Variants in KMT2C observed in about 807,000 individuals in gnomAD.
KMT2C encodes the protein lysine methyltransferase 2C, also known as histone-lysine N-methyltransferase 2C.
Under a neutral mutation model 507.9 loss-of-function variants are expected in KMT2C, and 88 were observed. The observed-to-expected ratio is 0.17, with a 90% confidence interval of 0.15 to 0.21. The LOEUF is 0.21. KMT2C is among the 10% of genes least tolerant of loss of function. The pLI is 1.00. For synonymous variants in KMT2C, 2,049 were observed against 2,080.8 expected (o/e 0.98, Z 0.42); for missense variants, 4,954 against 5,957.8 (o/e 0.83, Z 5.55).
At chr7:152,151,996 A>C (rs1190788098) in intron 49 of KMT2C, among the ~76,000 whole-genome samples, 1 of 152,254 alleles carries the variant, frequency 6.6e-6, no homozygotes, top group East Asian at 1.9e-4. Context: ...TTGCAGAGTC[A>C]GAAATGAGGA....
intron 46 of KMT2C, chr7:152,154,789 C>T (rs1439044899): frequency 1.1e-5 from 2 of 179,612 alleles, no homozygotes; most frequent in Non-Finnish European, 2.3e-5. Flanking sequence ...AGCACTCCTG[C>T]AGCTTGAAAA....
At chr7:152,184,149 G>A in intron 34 of KMT2C, among the ~76,000 whole-genome samples, 1 of 143,438 alleles carries the variant, frequency 7.0e-6, no homozygotes, top group East Asian at 2.0e-4. Context: ...CTGGATATTT[G>A]AAACGTATCA....
At chr7:152,399,664 C>A (rs2097559660) in intron 1 of KMT2C, among the ~76,000 whole-genome samples, 1 of 150,950 alleles carries the variant, frequency 6.6e-6, no homozygotes. Flanking sequence ...TAAAAGCCTA[C>A]AATATAAATG....
chr7:152,358,428 C>T (rs1409174360), intron 2 of KMT2C, among the ~76,000 whole-genome samples, 159 bp downstream of exon 2: 3 of 152,044 alleles, frequency 2.0e-5, no homozygotes, highest in Non-Finnish European at 4.4e-5. Flanking sequence ...AGTTTTTTCA[C>T]TTTGTCATTA....
chr7:152,158,682 ATGTT>A (rs1375055186), intron 44 of KMT2C, among the ~76,000 whole-genome samples, 177 bp downstream of exon 44: 1 of 151,974 alleles, frequency 6.6e-6, no homozygotes, highest in Non-Finnish European at 1.5e-5. Context: ...CGCCCAGTAA[ATGTT>A]TGTATTTTTC....
intron 7 of KMT2C, 91 bp downstream of exon 7, chr7:152,273,614 A>C: frequency 6.6e-7 from 1 of 1,510,222 alleles, no homozygotes; most frequent in Non-Finnish European, 8.9e-7. Context: ...CTTTTAATAC[A>C]AGTAGAATAA....
At chr7:152,242,435 A>G (rs935502179) in intron 14 of KMT2C, among the ~76,000 whole-genome samples, 2 of 152,202 alleles carry the variant, frequency 1.3e-5, no homozygotes, top group African/African-American at 4.8e-5. Context: ...TCCTTAATCT[A>G]CAAACTGAAT....
rs150836316 is a variant in KMT2C at position 152,338,227 on chromosome 7, A to T, written c.251-7488T>A. On this transcript the variant is annotated intron_variant, in intron 2 of 58. Transcript: ENST00000262189. ...TTAAATTGCATTATGAGAATTAATG[A>T]GAATAAAGAAGACATTTATTTAGCC... is the stretch of plus-strand genomic sequence containing the variant. Among the ~76,000 whole-genome samples, 282 of 152,312 alleles carry T rather than the reference A, an allele frequency of 1.9e-3. 2 individuals carry two copies. Among genetic ancestry groups the T allele is most frequent in the Admixed American group, 4.3e-3 (66 of 15,306 alleles).
chr7:152,342,893 A>T (rs1218482773), intron 2 of KMT2C, among the ~76,000 whole-genome samples: 1 of 152,212 alleles, frequency 6.6e-6, no homozygotes, highest in Non-Finnish European at 1.5e-5. Flanking sequence ...AACTCCAGCC[A>T]GTTCTAGCCT....
In KMT2C at chr7:152,163,491, A is replaced by T. The variant is rs1451784821; in HGVS notation, c.10086T>A (p.Thr3362=). 6.2e-7 allele frequency: 1 copy of T among 1,613,880 alleles called. No individual in the cohort carries two copies. The highest frequency in any genetic ancestry group is 8.5e-7 in the Non-Finnish European group (1 of 1,179,854). The part of the protein sequence containing the change: ...QPPIAQLPIK[T]CTPAPGTVSN... Reference sequence around the variant, plus strand: ...AGACTGTCCCTGGGGCTGGTGTACAAGTTTTTATTGGTAACTGGGCAATTG... The same window carrying T: ...AGACTGTCCCTGGGGCTGGTGTACATGTTTTTATTGGTAACTGGGCAATTG... The change falls in exon 43 of 59, where the codon ACT becomes ACA. Residue 3362 remains threonine, a synonymous_variant. Coordinates refer to ENST00000262189, the MANE Select transcript of KMT2C (RefSeq NM_170606.3).
chr7:152,162,882 A>G lies in KMT2C; in HGVS notation c.10695T>C (p.Asn3565=). The change falls in exon 43 of 59, where the codon AAT becomes AAC. Residue 3565 remains asparagine (N), a synonymous_variant. Transcript: ENST00000262189. ...AATCTTGGCCACATGGGAGACTGCT[A>G]TTAGCTACTGGAGGTGCTGCTGGTA... The part of the protein sequence containing the change: ...PALPAAPPVA[N]SSLPCGQDST... 1.2e-6 allele frequency: 2 copies of G among 1,614,178 alleles called. No homozygotes were observed. The highest frequency in any genetic ancestry group is 1.3e-5 in the African/African-American group (1 of 75,030).
At chr7:152,145,349 C>G in intron 53 of KMT2C, 54 bp from the exon 54 acceptor site, 3 of 1,563,640 alleles carry the variant, frequency 1.9e-6, no homozygotes, top group Non-Finnish European at 2.6e-6. Context: ...AGACTACAGA[C>G]AATCTCAAGC....
At chr7:152,149,197 GC>G in intron 51 of KMT2C, 45 bp from the exon 52 acceptor site, 1 of 1,441,188 alleles carries the variant, frequency 6.9e-7, no homozygotes, top group Non-Finnish European at 9.1e-7. Flanking sequence ...TAATTCACAA[GC>G]CCGGAAAGCA....
intron 32 of KMT2C, 59 bp from the exon 33 acceptor site, chr7:152,187,535 C>T (rs2129124953): frequency 6.7e-7 from 1 of 1,490,858 alleles, no homozygotes; most frequent in South Asian, 1.2e-5. Flanking sequence ...AATATATGTT[C>T]AAGTATAGCT....
intron 44 of KMT2C, among the ~76,000 whole-genome samples, chr7:152,158,133 G>A (rs1360543510): frequency 7.9e-5 from 12 of 152,166 alleles, no homozygotes; most frequent in Non-Finnish European, 7.3e-5. Context: ...ATGCTGCCAG[G>A]CATCTAACAA....
intron 1 of KMT2C, among the ~76,000 whole-genome samples, chr7:152,416,547 CA>C (rs1280969285): frequency 1.3e-5 from 1 of 79,286 alleles, no homozygotes; most frequent in East Asian, 3.1e-4. Flanking sequence ...AGACTCATCT[CA>C]AAAAAAAACA....
Position 152,138,677 on chromosome 7 carries a change from G to A in KMT2C, c.14643+119C>T. 1 of 694,718 alleles carries A rather than the reference G, an allele frequency of 1.4e-6. No homozygotes were observed. Among genetic ancestry groups the A allele is most frequent in the Non-Finnish European group, 2.5e-6 (1 of 400,086 alleles). 43.0% of individuals were successfully genotyped at this position (694,718 alleles called of 1,614,324 possible). ...GGGTGGGAACATCTGGCCTATTATGGACAGAGTTTTTATCACAACAAAGAA... is the reference window on the plus strand; with the variant it reads ...GGGTGGGAACATCTGGCCTATTATGAACAGAGTTTTTATCACAACAAAGAA... On this transcript the variant is annotated intron_variant, in intron 58 of 58. Transcript: ENST00000262189. This position sits in a 1 kb window ranked among gnomAD's most constrained non-coding sequence, Gnocchi z 4.2.
rs371531782 is a variant in KMT2C, at chr7:152,318,374, T to C, written c.390-3036A>G. Among the ~76,000 whole-genome samples the C allele has an allele frequency of 3.3e-5, 5 of 151,974 alleles. No homozygotes were observed. In the East Asian group the frequency reaches 9.7e-4, roughly 29 times the overall value. On this transcript the variant is annotated intron_variant, in intron 3 of 58. Transcript: ENST00000262189. ...ATCCCAGCACTTTGGGAGGCCTAGT[T>C]GGGCAGATCACCTGAGGTCAGTTCG... is the stretch of plus-strand genomic sequence containing the variant.
chr7:152,341,084 A>T (rs1006088699), intron 2 of KMT2C, among the ~76,000 whole-genome samples: 1 of 152,232 alleles, frequency 6.6e-6, no homozygotes, highest in Non-Finnish European at 1.5e-5. Flanking sequence ...TATTTCTACC[A>T]ATATTGATCT....
Sources: allele counts gnomAD v4.1 joint callset (sites outside exome capture counted in the v4.1 genomes callset), GRCh38; gene constraint gnomAD v4.1.1; non-coding constraint Gnocchi (gnomAD v3.1); transcripts MANE v1.5; gene names NCBI Gene and HGNC (gene_info 2026-07-23, HGNC 2026-07-21).